The following CPNE5 variants were observed in gnomAD, a reference collection of about 807,000 sequenced individuals.
The protein encoded by CPNE5 is copine-5.
In CPNE5, 42 loss-of-function variants were observed where a neutral mutation model predicts 81.1. The ratio of observed to expected loss-of-function variants is 0.52; its 90% CI spans 0.40 to 0.67. The LOEUF (loss-of-function observed/expected upper bound fraction) is 0.67, where lower values mean the gene tolerates loss of function less well. Ranked by LOEUF, CPNE5 falls within the 30% of genes least tolerant of loss-of-function variation. The pLI, the probability that CPNE5 is intolerant of heterozygous loss-of-function variation, is 0.00. For synonymous variants in CPNE5, 313 were observed against 321.5 expected, an observed-to-expected ratio of 0.97 and a Z score of 0.28; for missense variants, 612 against 815.5, an observed-to-expected ratio of 0.75 and a Z score of 3.04.
chr6:36,789,055 A>C (rs1768859942), intron 8 of CPNE5, among the ~76,000 whole-genome samples: 2 of 152,230 alleles, frequency 1.3e-5, no homozygotes, highest in South Asian at 4.1e-4. Flanking sequence ...TGGAAAGACG[A>C]AGCAAAGCTG....
At chr6:36,742,994 C>G (rs1051481442) in intron 20 of CPNE5, 1 of 985,400 alleles carries the variant, frequency 1.0e-6, no homozygotes, top group Non-Finnish European at 1.2e-6. Flanking sequence ...CTGGCTCACT[C>G]CTGCCTCCAG....
chr6:36,783,177 A>C (rs188765322), intron 8 of CPNE5, among the ~76,000 whole-genome samples: 4 of 152,244 alleles, frequency 2.6e-5, no homozygotes, highest in Non-Finnish European at 5.9e-5. Flanking sequence ...GGTTCTACCC[A>C]CACAGGCACA....
intron 1 of CPNE5, among the ~76,000 whole-genome samples, chr6:36,826,300 C>T (rs1308471784): frequency 6.6e-6 from 1 of 152,194 alleles, no homozygotes; most frequent in Non-Finnish European, 1.5e-5. Context: ...CACCTGGCTC[C>T]TTGCCTGGTG....
intron 1 of CPNE5, among the ~76,000 whole-genome samples, chr6:36,829,812 C>CAA (rs35015008): frequency 3.0e-5 from 2 of 66,964 alleles, no homozygotes; most frequent in Non-Finnish European, 4.9e-5. Context: ...GGCTCCATCT[C>CAA]AAAAAAAAAA....
upstream of CPNE5, chr6:36,839,560 G>A (rs1773844781): frequency 3.9e-6 from 2 of 506,846 alleles, no homozygotes; most frequent in Non-Finnish European, 3.5e-6. This position sits in a 1 kb window ranked among gnomAD's most constrained non-coding sequence, Gnocchi z 7.3. Flanking sequence ...AGGGAGCGGG[G>A]GCCGCGGATC....
In CPNE5 at chr6:36,792,085, C is replaced by T; in HGVS notation, c.476G>A (p.Gly159Glu). ...MPAVSNGGVP[G>E]KKCGTIILSA... The stretch of plus-strand genomic sequence containing the variant: ...CAGGATGATGGTGCCACATTTCTTT[C>T]CTGGGACACCACTGGGAGAGGAGAA... Residue 159 changes from glycine to glutamate, a missense_variant, in exon 8 of 21, where the codon GGA becomes GAA. Gly to Glu is a moderately conservative substitution (Grantham distance 98). Coordinates refer to ENST00000244751, the MANE Select transcript of CPNE5 (RefSeq NM_020939.2). 6.2e-7 allele frequency: 1 copy of T among 1,613,924 alleles called. No individual in the cohort carries two copies. The highest frequency in any genetic ancestry group is 8.5e-7 in the Non-Finnish European group (1 of 1,179,850).
chr6:36,814,365 C>A (rs1255390446), intron 3 of CPNE5, among the ~76,000 whole-genome samples: 1 of 152,148 alleles, frequency 6.6e-6, no homozygotes, highest in Non-Finnish European at 1.5e-5. Flanking sequence ...TAAACTGTAA[C>A]AACGGACTGA....
chr6:36,778,981 G>A, intron 8 of CPNE5, 24 bp from the exon 9 acceptor site: 1 of 1,515,086 alleles, frequency 6.6e-7, no homozygotes, highest in South Asian at 1.1e-5. Context: ...GGGAGAACGG[G>A]GTGTGAGGCA....
chr6:36,751,753 C>T (rs953682940), intron 14 of CPNE5, among the ~76,000 whole-genome samples: 1 of 152,026 alleles, frequency 6.6e-6, no homozygotes, highest in Non-Finnish European at 1.5e-5. Context: ...CGAGATTGTG[C>T]CACTGCACTC....
Position 36,742,029 on chromosome 6 carries a change from G to A in CPNE5, c.*239C>T. ...TAGAGCCAGGTATTGGGGAAGAAGA[G>A]AAGGGCTGGGTCCCTGTGTACCCCT... On this transcript the variant is annotated 3_prime_UTR_variant, in exon 21 of 21. Transcript: ENST00000244751. 1 of 498,292 alleles carries A rather than the reference G, an allele frequency of 2.0e-6. No individual in the cohort carries two copies. Among genetic ancestry groups the A allele is most frequent in the Non-Finnish European group, 3.6e-6 (1 of 280,764 alleles). The allele number at this position is 498,292 out of a possible 1,614,324, so 30.9% of individuals were successfully genotyped here. A position where few individuals can be genotyped will look rare whatever the true frequency, so the allele number is the denominator to read the frequency against.
At chr6:36,827,489 C>T (rs1772602855) in intron 1 of CPNE5, 1 of 985,308 alleles carries the variant, frequency 1.0e-6, no homozygotes, top group Admixed American at 6.1e-5. Flanking sequence ...ATCCAAGTGG[C>T]CGCCAGAGAT....
chr6:36,838,067 C>A (rs1773684112), intron 1 of CPNE5, among the ~76,000 whole-genome samples: 1 of 152,142 alleles, frequency 6.6e-6, no homozygotes, highest in African/African-American at 2.4e-5. Context: ...ACCAGACTAG[C>A]CTTCACTGCC....
intron 7 of CPNE5, among the ~76,000 whole-genome samples, chr6:36,793,915 G>C (rs1403161734): frequency 2.0e-5 from 3 of 152,208 alleles, no homozygotes; most frequent in African/African-American, 7.2e-5. Flanking sequence ...TCCAGCCCCA[G>C]TGGGCGAGTG....
At chr6:36,808,948 G>T (rs1029416028) in intron 3 of CPNE5, among the ~76,000 whole-genome samples, 1 of 152,228 alleles carries the variant, frequency 6.6e-6, no homozygotes, top group East Asian at 1.9e-4. Flanking sequence ...AAATCAATAA[G>T]GAGTTGATAT....
At chr6:36,777,596 G>T in intron 9 of CPNE5, among the ~76,000 whole-genome samples, 1 of 152,188 alleles carries the variant, frequency 6.6e-6, no homozygotes, top group Non-Finnish European at 1.5e-5. Flanking sequence ...ATTATTTAAA[G>T]AAATCCTTCT....
At position 36,742,444 on chromosome 6, in the gene CPNE5, C is replaced by T. The variant is rs750501938; in HGVS notation, c.1606G>A (p.Val536Met). The change falls in exon 21 of 21, where the codon GTG becomes ATG. Residue 536 changes from valine to methionine, a missense_variant. Transcript: ENST00000244751. ...CGGGCCAGGCGGGCCATGCTCAGCACGTGGTTGCCTGTGCGGTCCACGTAG... is the reference window on the plus strand; with the variant it reads ...CGGGCCAGGCGGGCCATGCTCAGCATGTGGTTGCCTGTGCGGTCCACGTAG... ...RDYVDRTGNH[V>M]LSMARLARDV... 3 of 1,613,318 alleles carry T rather than the reference C, an allele frequency of 1.9e-6. No homozygotes were observed. Among genetic ancestry groups the T allele is most frequent in the Non-Finnish European group, 2.5e-6 (3 of 1,179,992 alleles).
chr6:36,788,677 G>A (rs116259154), intron 8 of CPNE5, among the ~76,000 whole-genome samples: 302 of 152,280 alleles, frequency 2.0e-3, no homozygotes, highest in Non-Finnish European at 3.4e-3. Context: ...AGTAACAATC[G>A]TTTTACTGCT....
chr6:36,792,399 G>C, intron 7 of CPNE5: 1 of 1,444,822 alleles, frequency 6.9e-7, no homozygotes, highest in Non-Finnish European at 9.2e-7. Context: ...GACTCACCCG[G>C]AGGCTTCCAG....
At chr6:36,796,520 G>A (rs908312774) in intron 6 of CPNE5, among the ~76,000 whole-genome samples, 1 of 152,208 alleles carries the variant, frequency 6.6e-6, no homozygotes, top group Non-Finnish European at 1.5e-5. Flanking sequence ...GCTGGAAAGA[G>A]CAGATGCTAA....
Sources: gnomAD v4.1 joint callset for allele counts (sites outside exome capture counted in the v4.1 genomes callset) on GRCh38, gnomAD v4.1.1 for gene constraint, Gnocchi (gnomAD v3.1) non-coding constraint, MANE v1.5 for transcripts, NCBI Gene and HGNC (gene_info 2026-07-23, HGNC 2026-07-21) for gene names.